STXBP4: variants seen among roughly 807,000 people sequenced by gnomAD.
STXBP4 encodes syntaxin binding protein 4.
STXBP4 carries 55 observed loss-of-function variants against 76.1 expected under a neutral mutation model. That is an observed-to-expected ratio of 0.72 (90% CI 0.58 to 0.91). STXBP4 has a LOEUF of 0.91. Among genes scored for constraint, STXBP4 ranks in the 40% least tolerant of loss-of-function variants. The probability of loss-of-function intolerance (pLI) is 0.00; values close to 1 mark genes in which losing one functional copy is unlikely to be tolerated. For synonymous variants in STXBP4, 201 were observed against 220.2 expected (o/e 0.91, Z 0.77); for missense variants, 618 against 636.9 (o/e 0.97, Z 0.32).
At chr17:55,071,287 C>G (rs546387308) in intron 12 of STXBP4, among the ~76,000 whole-genome samples, 7 of 152,294 alleles carry the variant, frequency 4.6e-5, no homozygotes, top group Admixed American at 3.9e-4. Context: ...CTCTTAGCCT[C>G]TGCCACTTCA....
chr17:55,185,425 C>T, the STXBP4 span, among the ~76,000 whole-genome samples: 1 of 151,278 alleles, frequency 6.6e-6, no homozygotes, highest in Non-Finnish European at 1.5e-5. Context: ...ATGTGTGCAA[C>T]TTGCTCTCAA....
chr17:55,208,546 G>GAAGC, the STXBP4 span, among the ~76,000 whole-genome samples: 2 of 148,934 alleles, frequency 1.3e-5, no homozygotes, highest in Admixed American at 1.3e-4. Flanking sequence ...AGGAAGGAAG[G>GAAGC]AAGGAAGCAA....
At chr17:55,204,813 A>AACACAC in the STXBP4 span, among the ~76,000 whole-genome samples, 43 of 73,134 alleles carry the variant, frequency 5.9e-4, no homozygotes, top group African/African-American at 2.4e-3. Context: ...TTCAAGATTA[A>AACACAC]ACACACACAC....
chr17:55,063,046 G>A (rs1376003815), intron 12 of STXBP4, among the ~76,000 whole-genome samples: 2 of 152,122 alleles, frequency 1.3e-5, no homozygotes, highest in African/African-American at 4.8e-5. Flanking sequence ...AGTGACTCCT[G>A]TATTCTCCAC....
intron 16 of STXBP4, among the ~76,000 whole-genome samples, chr17:55,097,700 A>C (rs1217505164): frequency 6.6e-6 from 1 of 152,208 alleles, no homozygotes; most frequent in Non-Finnish European, 1.5e-5. Context: ...TACTACAGAT[A>C]AATGAAATAA....
rs1377086975 is a variant in STXBP4, at chr17:55,166,899, C to T, written c.*6988C>T. On this transcript the variant is annotated 3_prime_UTR_variant, in exon 18 of 18. Coordinates refer to ENST00000376352, the MANE Select transcript of STXBP4 (RefSeq NM_178509.6). ...CTCCATGTGGTAATGAAAACCGGAA[C>T]TCTGGTTAAAGCTAAGTGGTCTCTC... 4 of 152,240 alleles carry T rather than the reference C, an allele frequency of 2.6e-5. No individual in the cohort carries two copies. The highest frequency in any genetic ancestry group is 2.0e-4 in the Admixed American group (3 of 15,282). The allele number at this position is 152,240 out of a possible 1,614,324, so 9.4% of individuals were successfully genotyped here.
the STXBP4 span, among the ~76,000 whole-genome samples, chr17:55,210,594 A>G: frequency 3.3e-5 from 5 of 152,220 alleles, no homozygotes; most frequent in African/African-American, 4.8e-5. Flanking sequence ...TCATTAGAGT[A>G]TAAAATCATA....
intron 12 of STXBP4, among the ~76,000 whole-genome samples, chr17:55,070,212 C>T (rs887817429): frequency 6.6e-6 from 1 of 152,164 alleles, no homozygotes; most frequent in Non-Finnish European, 1.5e-5. Context: ...TCCTGTGCAT[C>T]AATGTCCTGT....
chr17:55,080,777 C>A (rs1196623733), intron 15 of STXBP4, among the ~76,000 whole-genome samples: 2 of 152,008 alleles, frequency 1.3e-5, no homozygotes, highest in African/African-American at 4.8e-5. Flanking sequence ...ATAAGCCCAA[C>A]AAATGATTTA....
At position 55,037,075 on chromosome 17, in the gene STXBP4, T is replaced by C. The variant is rs527506386; in HGVS notation, c.855+2816T>C. Among the ~76,000 whole-genome samples, 3 of 152,274 alleles carry C rather than the reference T, an allele frequency of 2.0e-5. No homozygotes were observed. The South Asian group carries it at 6.2e-4, about 32-fold the overall frequency. On this transcript the variant is annotated intron_variant, in intron 10 of 17. Transcript: ENST00000376352. ...ATCACCCACAGATCTGGTTGTTCTGTAACCCTCAGGAGAGTGCCCAGTTCT... is the reference window on the plus strand; with the variant it reads ...ATCACCCACAGATCTGGTTGTTCTGCAACCCTCAGGAGAGTGCCCAGTTCT...
chr17:55,031,406 A>G, intron 9 of STXBP4, 142 bp downstream of exon 9: 1 of 624,866 alleles, frequency 1.6e-6, no homozygotes, highest in Non-Finnish European at 2.7e-6. Flanking sequence ...CTTAATCAGT[A>G]CCCAAAGAAC....
intron 13 of STXBP4, among the ~76,000 whole-genome samples, chr17:55,077,102 A>T (rs2079192560): frequency 6.6e-6 from 1 of 152,172 alleles, no homozygotes; most frequent in Non-Finnish European, 1.5e-5. Flanking sequence ...CTGCTCACTT[A>T]AATATCTGCT....
intron 16 of STXBP4, among the ~76,000 whole-genome samples, chr17:55,085,293 G>T (rs900725116): frequency 7.2e-5 from 11 of 151,958 alleles, no homozygotes; most frequent in African/African-American, 2.7e-4. Flanking sequence ...CACCAGCAAG[G>T]CACATGTATA....
intron 10 of STXBP4, 105 bp downstream of exon 10, chr17:55,034,364 A>G: frequency 7.8e-6 from 5 of 638,502 alleles, no homozygotes; most frequent in Non-Finnish European, 1.2e-5. Flanking sequence ...GAAATAATAC[A>G]TGTTTCTTGG....
At chr17:54,997,926 A>G (rs960562664) in intron 4 of STXBP4, among the ~76,000 whole-genome samples, 9 of 151,822 alleles carry the variant, frequency 5.9e-5, no homozygotes, top group Non-Finnish European at 7.4e-5. Flanking sequence ...TTTTGGCTTA[A>G]GTATTTTAAA....
rs564986681 is a variant in STXBP4 at position 55,168,302 on chromosome 17, A to C, written c.*8391A>C. ...GAATAAGAAATATTTAATAAAATCT[A>C]CACAATTTCAAAAATATGACCAAAT... On this transcript the variant is annotated 3_prime_UTR_variant, in exon 18 of 18. Transcript: ENST00000376352. 6.6e-6 allele frequency: 1 copy of C among 152,212 alleles called. No individual in the cohort carries two copies. Among genetic ancestry groups the C allele is most frequent in the Non-Finnish European group, 1.5e-5 (1 of 68,000 alleles). The allele number at this position is 152,212 out of a possible 1,614,324, so 9.4% of individuals were successfully genotyped here.
the STXBP4 span, among the ~76,000 whole-genome samples, chr17:55,205,286 G>A: frequency 1.3e-5 from 2 of 151,866 alleles, no homozygotes; most frequent in Non-Finnish European, 2.9e-5. Flanking sequence ...ATTTATTATA[G>A]TACTTTTTAA....
chr17:55,156,657 C>T (rs1255679381), intron 17 of STXBP4, among the ~76,000 whole-genome samples: 1 of 152,132 alleles, frequency 6.6e-6, no homozygotes, highest in Non-Finnish European at 1.5e-5. Flanking sequence ...GCACAGAACA[C>T]GTCTCTCTGT....
intron 16 of STXBP4, among the ~76,000 whole-genome samples, chr17:55,123,763 G>T (rs244337): frequency 0.32 from 47,817 of 151,710 alleles, 7,666 homozygotes; most frequent in African/African-American, 0.39. Context: ...AGCCAAGCAT[G>T]GTGGCCCGCG....
Sources: gnomAD v4.1 joint callset for allele counts (sites outside exome capture counted in the v4.1 genomes callset) on GRCh38, gnomAD v4.1.1 for gene constraint, MANE v1.5 for transcripts, NCBI Gene and HGNC (gene_info 2026-07-23, HGNC 2026-07-21) for gene names.